Variants in MEGF6 observed in about 807,000 individuals in gnomAD.
MEGF6 encodes multiple epidermal growth factor-like domains protein 6.
A neutral mutation model predicts 207.1 loss-of-function variants in MEGF6; 184 were observed. That is an observed-to-expected ratio of 0.89 (90% CI 0.79 to 1.00). The LOEUF (loss-of-function observed/expected upper bound fraction) is 1.00. Ranked by LOEUF, MEGF6 falls within the 50% of genes least tolerant of loss-of-function variation. MEGF6 has a pLI of 0.00. For synonymous variants in MEGF6, 1,038 were observed against 910.0 expected, an observed-to-expected ratio of 1.14 and a Z score of -2.53; for missense variants, 2,282 against 2,202.9, an observed-to-expected ratio of 1.04 and a Z score of -0.72.
chr1:3,499,370 C>T, intron 23 of MEGF6, 104 bp from the exon 24 acceptor site: 2 of 1,449,496 alleles, frequency 1.4e-6, no homozygotes, highest in Non-Finnish European at 1.8e-6. Context: ...CCCTCGGCTG[C>T]TATGGCCAAC....
chr1:3,613,725 A>C (rs569295520), upstream of MEGF6, among the ~76,000 whole-genome samples: 125 of 152,282 alleles, frequency 8.2e-4, 1 homozygote, highest in South Asian at 4.6e-3. Flanking sequence ...AAAATCATAT[A>C]AAAGTAAGTT....
At chr1:3,546,626 G>A (rs1167114158) in intron 4 of MEGF6, among the ~76,000 whole-genome samples, 2 of 144,210 alleles carry the variant, frequency 1.4e-5, no homozygotes, top group African/African-American at 2.6e-5. Flanking sequence ...CAGGGAGGCC[G>A]AGGTGGGGTG....
At chr1:3,570,712 C>A (rs1643470536) in intron 4 of MEGF6, among the ~76,000 whole-genome samples, 1 of 152,256 alleles carries the variant, frequency 6.6e-6, no homozygotes, top group African/African-American at 2.4e-5. Context: ...CCCTGCCCTG[C>A]CCCTGTGCCA....
rs1168446898 is a variant in MEGF6, at chr1:3,611,189, G to A, written c.80C>T (p.Pro27Leu). The part of the protein sequence containing the change: ...ALVLLLLPAV[P>L]VGASVPPRPL... The stretch of plus-strand genomic sequence containing the variant: ...CCGCGGCGGAACGCTGGCGCCCACG[G>A]GCACGGCGGGGAGCAGCAGCAGCAC... Residue 27 changes from proline to leucine, a missense_variant, in exon 1 of 37, where the codon CCC (proline) becomes CTC (leucine). Coordinates refer to ENST00000356575, the MANE Select transcript of MEGF6 (RefSeq NM_001409.4). The A allele has an allele frequency of 6.5e-7, 1 of 1,549,794 alleles. No individual in the cohort carries two copies. The highest frequency in any genetic ancestry group is 8.6e-7 in the Non-Finnish European group (1 of 1,157,706).
chr1:3,504,741 C>T (rs928004589), intron 17 of MEGF6, among the ~76,000 whole-genome samples: 4 of 152,162 alleles, frequency 2.6e-5, no homozygotes, highest in African/African-American at 9.7e-5. Context: ...GCCAAAGCAT[C>T]CACGTGCAGG....
chr1:3,606,975 G>A (rs1644258350), intron 1 of MEGF6, among the ~76,000 whole-genome samples: 1 of 152,088 alleles, frequency 6.6e-6, no homozygotes, highest in African/African-American at 2.4e-5. Flanking sequence ...CCTGGGGCCT[G>A]CTGTGCAGCC....
Position 3,596,895 on chromosome 1 carries a change from C to T in MEGF6, c.267-1448G>A, listed in dbSNP as rs114950247. Among the ~76,000 whole-genome samples, 784 of 152,252 alleles carry T rather than the reference C, an allele frequency of 5.1e-3. 7 individuals carry two copies. The highest frequency in any genetic ancestry group is 0.018 in the African/African-American group (742 of 41,536). On this transcript the variant is annotated intron_variant, in intron 2 of 36. Coordinates refer to ENST00000356575, the MANE Select transcript of MEGF6 (RefSeq NM_001409.4). ...AGGTGGGGGCACCCCAGCCCACAGC[C>T]CCAGCAAGCCTCCCACCATCACAGC...
chr1:3,526,852 G>A (rs1641984452), intron 4 of MEGF6, among the ~76,000 whole-genome samples: 2 of 152,222 alleles, frequency 1.3e-5, no homozygotes, highest in African/African-American at 4.8e-5. Flanking sequence ...AGCATCTGGG[G>A]CCCTCTGGCC....
intron 4 of MEGF6, among the ~76,000 whole-genome samples, chr1:3,533,387 G>T (rs761694390): frequency 2.0e-5 from 3 of 152,352 alleles, no homozygotes; most frequent in Admixed American, 2.0e-4. Context: ...TAAATCGCAC[G>T]GATAGACAGG....
At position 3,500,679 on chromosome 1, in the gene MEGF6, G is replaced by GTCACA. The variant is rs1640819159; in HGVS notation, c.2660_2661insTGTGA (p.Leu888ValfsTer86). The GTCACA allele has an allele frequency of 6.4e-7, 1 of 1,574,316 alleles. No individual in the cohort carries two copies. The highest frequency in any genetic ancestry group is 1.8e-5 in the Admixed American group (1 of 54,494). ...CGTAGCCAGCCTCACACAGACACAGGCCGCTGATGGCATCACAGCTCCCGT... is the reference window on the plus strand; with the variant it reads ...CGTAGCCAGCCTCACACAGACACAGGTCACACCGCTGATGGCATCACAGCTCCCGT... On this transcript the variant is annotated frameshift_variant, in exon 21 of 37. Transcript: ENST00000356575. LOFTEE classifies it high-confidence loss of function.
intron 4 of MEGF6, among the ~76,000 whole-genome samples, chr1:3,551,786 C>T (rs938323566): frequency 2.2e-4 from 33 of 152,292 alleles, no homozygotes; most frequent in African/African-American, 7.7e-4. Flanking sequence ...AGGGCTGCGA[C>T]TTCCATCAGG....
chr1:3,564,895 G>A (rs556281349), intron 4 of MEGF6, among the ~76,000 whole-genome samples: 5 of 152,238 alleles, frequency 3.3e-5, no homozygotes, highest in African/African-American at 7.2e-5. Context: ...CGCTCTGGCC[G>A]AGGCATTTTC....
chr1:3,500,505 G>T (rs1006690851), intron 21 of MEGF6, 128 bp downstream of exon 21: 6 of 1,352,690 alleles, frequency 4.4e-6, no homozygotes, highest in Non-Finnish European at 5.9e-6. Flanking sequence ...GAGGGGGCGC[G>T]GCCAAAGGCT....
chr1:3,533,041 C>G (rs1308766760), intron 4 of MEGF6, among the ~76,000 whole-genome samples: 2 of 152,242 alleles, frequency 1.3e-5, no homozygotes, highest in Non-Finnish European at 2.9e-5. Context: ...TCCACCTTCT[C>G]TCCACTCTCC....
At chr1:3,564,551 C>A (rs367918927) in intron 4 of MEGF6, among the ~76,000 whole-genome samples, 1 of 152,118 alleles carries the variant, frequency 6.6e-6, no homozygotes, top group African/African-American at 2.4e-5. Flanking sequence ...GGCCTCCTCT[C>A]CCCACTGTGC....
rs151263581 is a variant in MEGF6, at chr1:3,490,666, C to T, written c.4565-77G>A. Reference sequence around the variant, plus strand: ...GAACAGACTGGGTTCTGGGTTGGCACCTCTCCCTCCCACCCCTCCCTTCAG... The same window carrying T: ...GAACAGACTGGGTTCTGGGTTGGCATCTCTCCCTCCCACCCCTCCCTTCAG... On this transcript the variant is annotated intron_variant, in intron 36 of 36. Transcript: ENST00000356575. 92 of 1,473,284 alleles carry T rather than the reference C, an allele frequency of 6.2e-5. 1 individual carries two copies. The highest frequency in any genetic ancestry group is 1.2e-4 in the Admixed American group (6 of 49,686). 91.3% of individuals were successfully genotyped at this position (1,473,284 alleles called of 1,614,324 possible). A position where few individuals can be genotyped will look rare whatever the true frequency, so the allele number is the denominator to read the frequency against.
chr1:3,520,413 A>T (rs1340191858), intron 5 of MEGF6, among the ~76,000 whole-genome samples: 1 of 152,214 alleles, frequency 6.6e-6, no homozygotes, highest in Non-Finnish European at 1.5e-5. Flanking sequence ...ATGCCCCCAG[A>T]CACTCGGGCC....
intron 3 of MEGF6, among the ~76,000 whole-genome samples, chr1:3,584,661 T>C (rs1029541242): frequency 1.3e-5 from 2 of 152,328 alleles, no homozygotes; most frequent in South Asian, 2.1e-4. Flanking sequence ...CCCCTCACCA[T>C]GCACCAGCAG....
chr1:3,535,729 C>T (rs764868542), intron 4 of MEGF6, among the ~76,000 whole-genome samples: 1 of 152,256 alleles, frequency 6.6e-6, no homozygotes, highest in African/African-American at 2.4e-5. Context: ...TGGGGTTTCG[C>T]TAAGCCAGTT....
Sources: gnomAD v4.1 joint callset for allele counts (sites outside exome capture counted in the v4.1 genomes callset) on GRCh38, gnomAD v4.1.1 for gene constraint, MANE v1.5 for transcripts, NCBI Gene and HGNC (gene_info 2026-07-23, HGNC 2026-07-21) for gene names.